The following TENM4 variants were observed in gnomAD, a reference collection of about 807,000 sequenced individuals.
TENM4 encodes teneurin-4.
Under a neutral mutation model 243.3 loss-of-function variants are expected in TENM4, and 82 were observed. That is an observed-to-expected ratio of 0.34 (90% CI 0.28 to 0.40). TENM4 has a LOEUF of 0.40. TENM4 is among the 10% of genes least tolerant of loss of function. TENM4 has a pLI of 1.00. For missense variants in TENM4, 3,138 were observed against 3,673.3 expected (o/e 0.85, Z 3.77); for synonymous variants, 1,412 against 1,456.3 (o/e 0.97, Z 0.69).
chr11:79,337,399 G>A (rs1049180069), intron 1 of TENM4, among the ~76,000 whole-genome samples: 4 of 152,212 alleles, frequency 2.6e-5, no homozygotes, highest in Admixed American at 2.6e-4. Context: ...TAGGTCAGAA[G>A]GGGGTACTTG....
rs374807357 is a variant in TENM4, at chr11:78,658,964, A to C, written c.7552-148T>G. ...TCTACCGCTGACCACCAGAACATCC[A>C]GGTGGTCGCCAGAAGGTCAGAACAT... On this transcript the variant is annotated intron_variant, in intron 33 of 33. Transcript: ENST00000278550. 265 of 905,826 alleles carry C rather than the reference A, an allele frequency of 2.9e-4. 1 individual carries two copies. In the African/African-American group the frequency reaches 3.9e-3, roughly 13 times the overall value. 56.1% of individuals were successfully genotyped at this position (905,826 alleles called of 1,614,324 possible). A position where few individuals can be genotyped will look rare whatever the true frequency, so the allele number is the denominator to read the frequency against.
At chr11:78,851,672 T>C (rs943202225) in intron 12 of TENM4, among the ~76,000 whole-genome samples, 29 of 152,096 alleles carry the variant, frequency 1.9e-4, no homozygotes, top group African/African-American at 6.8e-4. Flanking sequence ...CACGACTTGA[T>C]GATCATGTCC....
At chr11:79,320,439 C>T (rs563315425) in intron 1 of TENM4, among the ~76,000 whole-genome samples, 7 of 152,248 alleles carry the variant, frequency 4.6e-5, no homozygotes, top group Middle Eastern at 3.4e-3. Context: ...GAAATAATGA[C>T]GTTGTAAATT....
intron 1 of TENM4, among the ~76,000 whole-genome samples, chr11:79,439,665 A>ACACACT (rs1180002700): frequency 1.0e-5 from 1 of 99,810 alleles, no homozygotes; most frequent in East Asian, 2.7e-4. Context: ...GTGTGTGTCC[A>ACACACT]CACACACACA....
At chr11:79,356,921 T>C (rs1161361531) in intron 1 of TENM4, among the ~76,000 whole-genome samples, 1 of 152,218 alleles carries the variant, frequency 6.6e-6, no homozygotes, top group African/African-American at 2.4e-5. Flanking sequence ...CTTTTTTTGA[T>C]GTCTACCATA....
At chr11:78,673,189 C>T (rs75312330) in intron 30 of TENM4, among the ~76,000 whole-genome samples, 1,559 of 152,090 alleles carry the variant, frequency 0.01, 24 homozygotes, top group African/African-American at 0.035. Flanking sequence ...CTCCTACAGA[C>T]GTAGTGGTAG....
At chr11:79,095,709 A>C (rs1861061265) in intron 4 of TENM4, among the ~76,000 whole-genome samples, 1 of 152,214 alleles carries the variant, frequency 6.6e-6, no homozygotes, top group African/African-American at 2.4e-5. Flanking sequence ...CTCAGTTCTT[A>C]GCCATTGTAG....
chr11:78,724,051 CTCCTT>C (rs1453148435), intron 23 of TENM4, among the ~76,000 whole-genome samples: 1 of 151,004 alleles, frequency 6.6e-6, no homozygotes, highest in African/African-American at 2.4e-5. Flanking sequence ...CTCCTCTCCT[CTCCTT>C]TCCTCTCTCT....
chr11:79,152,309 G>C (rs1422770464), intron 3 of TENM4, among the ~76,000 whole-genome samples: 1 of 152,160 alleles, frequency 6.6e-6, no homozygotes, highest in East Asian at 1.9e-4. Flanking sequence ...TTTGAAGATA[G>C]ACAAGACCTT....
At chr11:79,224,171 G>A (rs769538726) in intron 2 of TENM4, among the ~76,000 whole-genome samples, 1 of 152,166 alleles carries the variant, frequency 6.6e-6, no homozygotes, top group African/African-American at 2.4e-5. Flanking sequence ...AATTCTCTAT[G>A]ATTTAGAGGA....
intron 6 of TENM4, among the ~76,000 whole-genome samples, chr11:79,037,775 T>C (rs1205751512): frequency 6.6e-6 from 1 of 152,228 alleles, no homozygotes; most frequent in Non-Finnish European, 1.5e-5. Context: ...TCCATCAGGA[T>C]ATCCATAGCT....
rs184192803 is a variant in TENM4, at chr11:78,822,742, T to A, written c.1682-8347A>T. On this transcript the variant is annotated intron_variant, in intron 12 of 33. Coordinates refer to ENST00000278550, the MANE Select transcript of TENM4 (RefSeq NM_001098816.3). ...GGAACTTAAGATAAAATTTTTTTTT[T>A]AAAAAAAGAAAAACAATAGACAAGA... Among the ~76,000 whole-genome samples the A allele has an allele frequency of 1.7e-3, 259 of 152,004 alleles. 1 individual carries two copies. The highest frequency in any genetic ancestry group is 3.9e-3 in the South Asian group (19 of 4,818).
intron 4 of TENM4, among the ~76,000 whole-genome samples, chr11:79,133,130 A>C (rs1012114643): frequency 1.3e-5 from 2 of 152,212 alleles, no homozygotes; most frequent in Admixed American, 1.3e-4. Flanking sequence ...AAGAAGAGAG[A>C]AAATCCAAAT....
intron 2 of TENM4, among the ~76,000 whole-genome samples, chr11:79,287,912 A>G (rs143014830): frequency 1.3e-5 from 2 of 152,318 alleles, no homozygotes; most frequent in African/African-American, 2.4e-5. Context: ...AAAACACATC[A>G]GCCCACACCT....
At chr11:79,235,924 C>T (rs1398471520) in intron 2 of TENM4, among the ~76,000 whole-genome samples, 1 of 151,992 alleles carries the variant, frequency 6.6e-6, no homozygotes, top group Non-Finnish European at 1.5e-5. Flanking sequence ...CTTTCGTGCC[C>T]TGATGCCTGA....
At chr11:78,883,149 C>T (rs1164762378) in intron 9 of TENM4, among the ~76,000 whole-genome samples, 5 of 152,240 alleles carry the variant, frequency 3.3e-5, no homozygotes, top group African/African-American at 7.2e-5. Context: ...TCTCCCAAGG[C>T]GACCAGTAAG....
chr11:79,012,123 G>A (rs75726011), intron 6 of TENM4, among the ~76,000 whole-genome samples: 2,394 of 152,234 alleles, frequency 0.016, 57 homozygotes, highest in African/African-American at 0.053. Context: ...AAATGAGACC[G>A]GCTCCTCTGT....
rs559496850 is a variant in TENM4, at chr11:79,087,136, C to T, written c.-65-17127G>A. On this transcript the variant is annotated intron_variant, in intron 4 of 33. Coordinates refer to ENST00000278550, the MANE Select transcript of TENM4 (RefSeq NM_001098816.3). ...TAATTGAACAAATGAACAAATGTTT[C>T]TGAGTAGCTATGATCCTGTATTAAA... Among the ~76,000 whole-genome samples, 4 of 152,250 alleles carry T rather than the reference C, an allele frequency of 2.6e-5. No individual in the cohort carries two copies. The East Asian group carries it at 7.7e-4, about 29-fold the overall frequency.
At chr11:79,277,896 G>A (rs1475903154) in intron 2 of TENM4, among the ~76,000 whole-genome samples, 16 of 152,162 alleles carry the variant, frequency 1.1e-4, no homozygotes, top group Non-Finnish European at 2.4e-4. Flanking sequence ...GTGGCATGAG[G>A]TGAGGGCAGA....
Sources: allele counts gnomAD v4.1 joint callset (sites outside exome capture counted in the v4.1 genomes callset), GRCh38; gene constraint gnomAD v4.1.1; transcripts MANE v1.5; gene names NCBI Gene and HGNC (gene_info 2026-07-23, HGNC 2026-07-21).